The following NAALADL2 variants were observed in gnomAD, a reference collection of about 807,000 sequenced individuals.
NAALADL2 encodes the protein inactive N-acetylated-alpha-linked acidic dipeptidase-like protein 2.
Under a neutral mutation model 87.2 loss-of-function variants are expected in NAALADL2, and 76 were observed. That is an observed-to-expected ratio of 0.87 (90% CI 0.72 to 1.05). NAALADL2 has a LOEUF of 1.05. Ranked by LOEUF, NAALADL2 falls within the 50% of genes least tolerant of loss-of-function variation. NAALADL2 has a pLI of 0.00. For synonymous variants in NAALADL2, 354 were observed against 331.0 expected (o/e 1.07, Z -0.75); for missense variants, 1,089 against 945.8 (o/e 1.15, Z -1.99).
At chr3:175,768,681 C>A (rs1168237781) in intron 13 of NAALADL2, among the ~76,000 whole-genome samples, 3 of 152,006 alleles carry the variant, frequency 2.0e-5, no homozygotes, top group African/African-American at 4.8e-5. Flanking sequence ...GAAAGCCCGT[C>A]TCTATTAAAA....
chr3:174,661,341 A>G (rs1368787783), intron 2 of NAALADL2, among the ~76,000 whole-genome samples: 1 of 152,154 alleles, frequency 6.6e-6, no homozygotes, highest in African/African-American at 2.4e-5. Context: ...ATTAAAGAAG[A>G]ACTGTTTGAA....
intron 5 of NAALADL2, among the ~76,000 whole-genome samples, chr3:175,419,829 G>T (rs1715348617): frequency 6.6e-6 from 1 of 151,968 alleles, no homozygotes. Flanking sequence ...TGGCATTGCA[G>T]TATGCTTCAT....
intron 1 of NAALADL2, among the ~76,000 whole-genome samples, chr3:175,054,372 T>G (rs1711652378): frequency 6.6e-6 from 1 of 152,204 alleles, no homozygotes; most frequent in Non-Finnish European, 1.5e-5. Context: ...AATCTATGAC[T>G]ATTAAGGGCC....
chr3:174,845,687 G>T (rs1007643464), intron 3 of NAALADL2, among the ~76,000 whole-genome samples: 2 of 152,184 alleles, frequency 1.3e-5, no homozygotes, highest in Admixed American at 6.5e-5. Context: ...TGAGCCAGGG[G>T]TGGGAACATG....
intron 2 of NAALADL2, among the ~76,000 whole-genome samples, chr3:174,711,925 G>A (rs1730672617): frequency 6.6e-6 from 1 of 151,720 alleles, no homozygotes. Flanking sequence ...TCAGCCTCCC[G>A]AGTAGCTGGG....
At chr3:174,865,657 G>T (rs565761374) in intron 1 of NAALADL2, among the ~76,000 whole-genome samples, 1 of 151,900 alleles carries the variant, frequency 6.6e-6, no homozygotes, top group Non-Finnish European at 1.5e-5. Flanking sequence ...TTCCATTCTT[G>T]CTGATTCTTG....
At chr3:175,273,487 T>C (rs1432527572) in intron 4 of NAALADL2, among the ~76,000 whole-genome samples, 2 of 152,136 alleles carry the variant, frequency 1.3e-5, no homozygotes, top group Admixed American at 6.5e-5. Context: ...TGTTAGTATC[T>C]TCCATTCTTC....
chr3:175,249,258 T>C (rs2109744663), intron 3 of NAALADL2, among the ~76,000 whole-genome samples: 1 of 152,268 alleles, frequency 6.6e-6, no homozygotes, highest in Admixed American at 6.5e-5. Flanking sequence ...CTGAAAAAAG[T>C]ATTTTTTGTA....
intron 13 of NAALADL2, among the ~76,000 whole-genome samples, chr3:175,776,644 C>T (rs932950687): frequency 6.6e-5 from 10 of 152,078 alleles, no homozygotes; most frequent in African/African-American, 2.4e-4. Context: ...GAAGACTGGA[C>T]TCTGATCCCA....
intron 4 of NAALADL2, among the ~76,000 whole-genome samples, chr3:175,307,112 A>G (rs1313445375): frequency 2.0e-5 from 3 of 152,116 alleles, no homozygotes; most frequent in East Asian, 1.9e-4. Context: ...CCAGTATTCT[A>G]TTGTCACTAT....
intron 2 of NAALADL2, among the ~76,000 whole-genome samples, chr3:175,158,991 CATT>C (rs1732731969): frequency 6.6e-6 from 1 of 151,872 alleles, no homozygotes; most frequent in Admixed American, 6.6e-5. Context: ...GTGATAAAGT[CATT>C]AGTGAATTTT....
intron 11 of NAALADL2, among the ~76,000 whole-genome samples, chr3:175,719,107 G>T (rs1344659041): frequency 6.6e-6 from 1 of 152,004 alleles, no homozygotes; most frequent in Non-Finnish European, 1.5e-5. Flanking sequence ...GATTGAGGAA[G>T]AAGGTCTTGG....
At chr3:174,506,687 G>T (rs1719227435) in intron 1 of NAALADL2, among the ~76,000 whole-genome samples, 1 of 152,140 alleles carries the variant, frequency 6.6e-6, no homozygotes, top group Admixed American at 6.5e-5. Flanking sequence ...CTAGAAAGAT[G>T]TAAGTTTACT....
At chr3:174,467,137 G>T (rs1284481741) in intron 1 of NAALADL2, among the ~76,000 whole-genome samples, 2 of 152,128 alleles carry the variant, frequency 1.3e-5, no homozygotes, top group African/African-American at 4.8e-5. Flanking sequence ...GCTAATGGGA[G>T]TAAAAAGTAT....
At chr3:174,838,056 A>G (rs1325438437) in intron 3 of NAALADL2, among the ~76,000 whole-genome samples, 1 of 150,254 alleles carries the variant, frequency 6.7e-6, no homozygotes, top group Non-Finnish European at 1.5e-5. Context: ...AAAACTACAG[A>G]CCAATATCTC....
In NAALADL2 at chr3:174,490,956, C is replaced by T. The variant is rs148074924; in HGVS notation, c.-184+49924C>T. On this transcript the variant is annotated intron_variant, in intron 1 of 3. Coordinates refer to the NAALADL2 transcript ENST00000434257. ...TGGGATGAAAATGAGAGATAACATA[C>T]TTTAAGAGTATTTTATATGTGTATA... 6.7e-3 allele frequency among the ~76,000 whole-genome samples: 1,014 copies of T among 152,122 alleles called. 9 individuals are homozygous for T. Among genetic ancestry groups the T allele is most frequent in the African/African-American group, 0.019 (775 of 41,508 alleles).
intron 4 of NAALADL2, among the ~76,000 whole-genome samples, chr3:175,310,777 C>T (rs948846375): frequency 6.6e-6 from 1 of 151,850 alleles, no homozygotes; most frequent in East Asian, 1.9e-4. Context: ...CTGTCTCATA[C>T]GATTACATAT....
chr3:175,459,025 G>A (rs1722728672), intron 6 of NAALADL2, among the ~76,000 whole-genome samples: 1 of 151,846 alleles, frequency 6.6e-6, no homozygotes, highest in Non-Finnish European at 1.5e-5. Flanking sequence ...CACACACCTA[G>A]ACACTATCCC....
chr3:174,571,347 T>C (rs1714893685), intron 2 of NAALADL2, among the ~76,000 whole-genome samples: 1 of 152,102 alleles, frequency 6.6e-6, no homozygotes, highest in South Asian at 2.1e-4. Flanking sequence ...AATAAACATA[T>C]AGATCAAATT....
Sources: gnomAD v4.1 joint callset for allele counts (sites outside exome capture counted in the v4.1 genomes callset) on GRCh38, gnomAD v4.1.1 for gene constraint, MANE v1.5 for transcripts, NCBI Gene and HGNC (gene_info 2026-07-23, HGNC 2026-07-21) for gene names.